POU2F2: variants seen among roughly 807,000 people sequenced by gnomAD.
POU2F2 encodes POU class 2 homeobox 2.
In POU2F2, 14 loss-of-function variants were observed where a neutral mutation model predicts 63.5. That is an observed-to-expected ratio of 0.22 (90% confidence interval 0.15 to 0.34). The LOEUF (loss-of-function observed/expected upper bound fraction) is 0.34. Ranked by LOEUF, POU2F2 falls within the 10% of genes least tolerant of loss-of-function variation. The pLI, the probability that POU2F2 is intolerant of heterozygous loss-of-function variation, is 1.00. For missense variants in POU2F2, 607 were observed against 815.2 expected (o/e 0.74, Z 3.11); for synonymous variants, 306 against 348.6 (o/e 0.88, Z 1.36).
upstream of POU2F2, chr19:42,137,213 C>T (rs2034032711): frequency 6.6e-6 from 1 of 152,132 alleles, no homozygotes; most frequent in Non-Finnish European, 1.5e-5. Flanking sequence ...GTGGCATACC[C>T]CTGTAGTCCT....
At position 42,089,712 on chromosome 19, in the gene POU2F2, A is replaced by ATATATATATATATATATATATGTT; in HGVS notation, c.*1544_*1545insAACATATATATATATATATATATA. 1 of 143,540 alleles carries ATATATATATATATATATATATGTT rather than the reference A, an allele frequency of 7.0e-6. No individual in the cohort carries two copies. Among genetic ancestry groups the ATATATATATATATATATATATGTT allele is most frequent in the Admixed American group, 6.9e-5 (1 of 14,446 alleles). 8.9% of individuals were successfully genotyped at this position (143,540 alleles called of 1,614,324 possible). On this transcript the variant is annotated 3_prime_UTR_variant, in exon 15 of 15. Transcript: ENST00000692977. Reference sequence around the variant, plus strand: ...AGAGTCCTCATCTTCTTTCCCTTTTATATATATATATATATATATGTTTAT... The same window carrying ATATATATATATATATATATATGTT: ...AGAGTCCTCATCTTCTTTCCCTTTTATATATATATATATATATATATGTTTATATATATATATATATATGTTTAT...
At chr19:42,188,663 T>C (rs1360688542) in intron 1 of POU2F2, among the ~76,000 whole-genome samples, 6 of 114,682 alleles carry the variant, frequency 5.2e-5, no homozygotes, top group Non-Finnish European at 3.4e-5. Context: ...GAGAGAGAGT[T>C]CATCTCAAAA....
intron 5 of POU2F2, among the ~76,000 whole-genome samples, chr19:42,111,583 C>G (rs1343483197): frequency 6.6e-6 from 1 of 152,158 alleles, no homozygotes; most frequent in Non-Finnish European, 1.5e-5. Context: ...CTACCCCAGC[C>G]TTCCAAAACA....
chr19:42,111,826 C>G (rs576872640), intron 5 of POU2F2, among the ~76,000 whole-genome samples: 3 of 152,228 alleles, frequency 2.0e-5, no homozygotes, highest in Admixed American at 1.3e-4. Flanking sequence ...ATTCTCCTAT[C>G]CCCTGCAGTC....
At chr19:42,161,421 T>A (rs1236091514) in intron 1 of POU2F2, among the ~76,000 whole-genome samples, 1 of 151,758 alleles carries the variant, frequency 6.6e-6, no homozygotes, top group Admixed American at 6.6e-5. Context: ...GTGTACAAGA[T>A]GGAGAGAACA....
chr19:42,158,302 T>G (rs549414758), intron 2 of POU2F2, among the ~76,000 whole-genome samples: 1 of 152,366 alleles, frequency 6.6e-6, no homozygotes, highest in African/African-American at 2.4e-5. Context: ...TCAGAGCTGC[T>G]GCTAAATCAG....
At position 42,096,314 on chromosome 19, in the gene POU2F2, T is replaced by A; in HGVS notation, c.568-71A>T. The A allele has an allele frequency of 7.1e-7, 1 of 1,406,168 alleles. No homozygotes were observed. Among genetic ancestry groups the A allele is most frequent in the Non-Finnish European group, 9.5e-7 (1 of 1,056,554 alleles). The allele number at this position is 1,406,168 out of a possible 1,614,324, so 87.1% of individuals were successfully genotyped here. ...ATGGGGCTCAGCGATGGGTGCACAG[T>A]CCCCCTCCCGCCCTCTTCGCCCCTG... On this transcript the variant is annotated intron_variant, in intron 7 of 14. Coordinates refer to ENST00000692977, the MANE Select transcript of POU2F2 (RefSeq NM_001394376.1). The surrounding 1 kb of genome is among the most constrained non-coding windows in gnomAD (Gnocchi z 4.1).
intron 5 of POU2F2, among the ~76,000 whole-genome samples, chr19:42,110,213 G>T (rs1406045066): frequency 6.6e-6 from 1 of 151,986 alleles, no homozygotes; most frequent in African/African-American, 2.4e-5. Context: ...AGTGAGTTAT[G>T]ATGGCGCCAC....
At chr19:42,161,582 G>A (rs531054801) in intron 1 of POU2F2, among the ~76,000 whole-genome samples, 20 of 152,112 alleles carry the variant, frequency 1.3e-4, no homozygotes, top group African/African-American at 3.6e-4. Context: ...CTGAGAAGGA[G>A]GGGGAGAGAG....
chr19:42,136,961 G>A (rs960128380), upstream of POU2F2: 1 of 152,192 alleles, frequency 6.6e-6, no homozygotes, highest in African/African-American at 2.4e-5. Flanking sequence ...CCTGTGCTGG[G>A]AGCTGAGGAC....
At chr19:42,194,388 CAAAAGA>C (rs2035106280) in intron 1 of POU2F2, among the ~76,000 whole-genome samples, 1 of 148,826 alleles carries the variant, frequency 6.7e-6, no homozygotes, top group Non-Finnish European at 1.5e-5. Context: ...TTGAAAGAAG[CAAAAGA>C]AAAAGAGAAA....
intron 2 of POU2F2, among the ~76,000 whole-genome samples, chr19:42,146,056 A>G (rs954044906): frequency 2.0e-5 from 3 of 152,026 alleles, no homozygotes; most frequent in Non-Finnish European, 4.4e-5. Flanking sequence ...AAAAAAAGAA[A>G]AAAAAGAGTT....
intron 5 of POU2F2, among the ~76,000 whole-genome samples, chr19:42,108,833 G>C (rs931855229): frequency 2.0e-5 from 3 of 152,188 alleles, no homozygotes; most frequent in Non-Finnish European, 2.9e-5. Context: ...TTGTAGATCA[G>C]CTGCTCTGTC....
At chr19:42,188,388 GGGCCGGGT>G (rs2035036498) in intron 1 of POU2F2, among the ~76,000 whole-genome samples, 1 of 150,738 alleles carries the variant, frequency 6.6e-6, no homozygotes, top group South Asian at 2.1e-4. Flanking sequence ...AAGAAAAAAA[GGGCCGGGT>G]GCAGAGGCTC....
Position 42,088,382 on chromosome 19 carries a change from C to T in POU2F2, c.*2875G>A, listed in dbSNP as rs2076613650. 1 of 152,242 alleles carries T rather than the reference C, an allele frequency of 6.6e-6. No homozygotes were observed. The highest frequency in any genetic ancestry group is 2.4e-5 in the African/African-American group (1 of 41,446). The allele number at this position is 152,242 out of a possible 1,614,324, so 9.4% of individuals were successfully genotyped here. ...TGCCCCATCCCTGCCCCCTGCTCCTCCTCTCCTCTTTACCCCACTCCCACA... is the reference window on the plus strand; with the variant it reads ...TGCCCCATCCCTGCCCCCTGCTCCTTCTCTCCTCTTTACCCCACTCCCACA... On this transcript the variant is annotated 3_prime_UTR_variant, in exon 15 of 15. Transcript: ENST00000692977.
At chr19:42,139,333 CA>C (rs1464984273) in intron 2 of POU2F2, among the ~76,000 whole-genome samples, 2 of 152,020 alleles carry the variant, frequency 1.3e-5, no homozygotes, top group Non-Finnish European at 2.9e-5. Flanking sequence ...AACAAACCAA[CA>C]AATAAAAGAA....
intron 4 of POU2F2, among the ~76,000 whole-genome samples, chr19:42,119,693 G>C (rs1035163036): frequency 1.3e-5 from 2 of 152,110 alleles, no homozygotes; most frequent in African/African-American, 4.8e-5. Flanking sequence ...GAACCCAGGA[G>C]GTGGAGGTTG....
chr19:42,194,322 C>T (rs2035105546), intron 1 of POU2F2, among the ~76,000 whole-genome samples: 1 of 152,052 alleles, frequency 6.6e-6, no homozygotes, highest in Admixed American at 6.6e-5. Context: ...TTTGAGGTTA[C>T]AATGAGTTGT....
intron 1 of POU2F2, among the ~76,000 whole-genome samples, chr19:42,161,768 G>A (rs1485586616): frequency 2.0e-5 from 3 of 152,118 alleles, no homozygotes; most frequent in African/African-American, 4.8e-5. Context: ...GGCAGAAGGG[G>A]ACCAGAACCC....
Sources: allele counts gnomAD v4.1 joint callset (sites outside exome capture counted in the v4.1 genomes callset), GRCh38; gene constraint gnomAD v4.1.1; non-coding constraint Gnocchi (gnomAD v3.1); transcripts MANE v1.5; gene names NCBI Gene and HGNC (gene_info 2026-07-23, HGNC 2026-07-21).